NAV3: variants seen among roughly 807,000 people sequenced by gnomAD.
The protein encoded by NAV3 is pore membrane and/or filament interacting like protein 1.
In NAV3, 87 loss-of-function variants were observed where a neutral mutation model predicts 244.7. The ratio of observed to expected loss-of-function variants is 0.36; its 90% CI spans 0.30 to 0.42. The LOEUF is 0.42. Ranked by LOEUF, NAV3 falls within the 20% of genes least tolerant of loss-of-function variation. The probability of loss-of-function intolerance (pLI) is 1.00; values close to 1 mark genes in which losing one functional copy is unlikely to be tolerated. For missense variants in NAV3, 2,663 were observed against 2,893.3 expected (o/e 0.92, Z 1.83); for synonymous variants, 1,126 against 1,042.2 (o/e 1.08, Z -1.55).
chr12:78,058,466 A>T (rs942498835), intron 11 of NAV3, among the ~76,000 whole-genome samples: 1 of 152,022 alleles, frequency 6.6e-6, no homozygotes, highest in Non-Finnish European at 1.5e-5. Context: ...ACACATGGGG[A>T]TTATTACAAT....
chr12:77,639,499 A>G (rs1365824337), intron 2 of NAV3, among the ~76,000 whole-genome samples: 4 of 152,214 alleles, frequency 2.6e-5, no homozygotes, highest in Non-Finnish European at 5.9e-5. Flanking sequence ...TTGTATGAGA[A>G]CAGAGATTTT....
At chr12:78,163,155 C>T (rs1957637529) in intron 23 of NAV3, among the ~76,000 whole-genome samples, 1 of 151,524 alleles carries the variant, frequency 6.6e-6, no homozygotes, top group Admixed American at 6.6e-5. Flanking sequence ...AGATTCTAGT[C>T]TTTGGGCTTC....
chr12:78,081,727 G>A (rs958306232), intron 12 of NAV3, among the ~76,000 whole-genome samples: 1 of 152,106 alleles, frequency 6.6e-6, no homozygotes. Context: ...AAGGGCCTAA[G>A]GCTTTGGTTA....
At chr12:77,722,596 C>T (rs1452843761) in intron 2 of NAV3, among the ~76,000 whole-genome samples, 1 of 151,976 alleles carries the variant, frequency 6.6e-6, no homozygotes, top group African/African-American at 2.4e-5. Flanking sequence ...AAAAAATATT[C>T]TTCTACAGTC....
At chr12:77,870,529 C>A (rs1302375732) in intron 1 of NAV3, among the ~76,000 whole-genome samples, 1 of 151,904 alleles carries the variant, frequency 6.6e-6, no homozygotes, top group African/African-American at 2.4e-5. Flanking sequence ...ATTTAGGAAT[C>A]GGGATAAAAG....
chr12:78,012,213 A>G (rs1875417717), intron 8 of NAV3, among the ~76,000 whole-genome samples: 1 of 152,096 alleles, frequency 6.6e-6, no homozygotes, highest in Non-Finnish European at 1.5e-5. Flanking sequence ...CCTTCTTCTG[A>G]AACATACCCT....
intron 2 of NAV3, among the ~76,000 whole-genome samples, chr12:77,691,679 T>G (rs762952653): frequency 6.6e-6 from 1 of 151,820 alleles, no homozygotes; most frequent in Non-Finnish European, 1.5e-5. Context: ...TGTACCTTTA[T>G]TAAGGTGTAT....
intron 1 of NAV3, among the ~76,000 whole-genome samples, chr12:77,930,085 AC>A (rs1401225362): frequency 2.0e-5 from 3 of 152,144 alleles, no homozygotes; most frequent in African/African-American, 7.2e-5. Context: ...ATGAATTTCT[AC>A]CCATTTAGCA....
chr12:78,188,809 T>C lies in NAV3; in HGVS notation c.6055+32T>C, dbSNP rs1292574199. 1.9e-6 allele frequency: 3 copies of C among 1,598,578 alleles called. No individual in the cohort carries two copies. In the East Asian group the frequency reaches 6.7e-5, roughly 36 times the overall value. On this transcript the variant is annotated intron_variant, in intron 33 of 39. Coordinates refer to ENST00000397909, the MANE Select transcript of NAV3 (RefSeq NM_001024383.2). ...GCAATAATGAAAAGCAAGGCAGAAATATAATTTTTAGCAACATTTTATTCT... is the reference window on the plus strand; with the variant it reads ...GCAATAATGAAAAGCAAGGCAGAAACATAATTTTTAGCAACATTTTATTCT...
At chr12:77,768,753 C>T (rs1228705864) in intron 2 of NAV3, among the ~76,000 whole-genome samples, 1 of 152,322 alleles carries the variant, frequency 6.6e-6, no homozygotes, top group South Asian at 2.1e-4. Context: ...CGGGCTCCTG[C>T]CCTGCAATCT....
At chr12:77,844,558 T>C (rs778502231) in intron 1 of NAV3, among the ~76,000 whole-genome samples, 3 of 152,222 alleles carry the variant, frequency 2.0e-5, no homozygotes, top group Non-Finnish European at 2.9e-5. Flanking sequence ...TAATACAATG[T>C]AGTTTAAATA....
intron 2 of NAV3, among the ~76,000 whole-genome samples, chr12:77,651,467 A>G (rs554439726): frequency 1.3e-5 from 2 of 152,124 alleles, no homozygotes; most frequent in East Asian, 3.9e-4. Context: ...TGATGATTGG[A>G]ATAGATCATT....
At chr12:77,954,915 A>G (rs946505029) in intron 3 of NAV3, among the ~76,000 whole-genome samples, 2 of 152,170 alleles carry the variant, frequency 1.3e-5, no homozygotes, top group African/African-American at 4.8e-5. Flanking sequence ...ATTCATTGCA[A>G]TACTGATCAT....
intron 9 of NAV3, chr12:78,037,303 G>C: frequency 1.4e-6 from 1 of 702,972 alleles, no homozygotes; most frequent in Non-Finnish European, 2.6e-6. Context: ...AGCTGTTTGC[G>C]GGAAGGGACA....
intron 3 of NAV3, among the ~76,000 whole-genome samples, chr12:77,960,712 ATATT>A (rs1289121166): frequency 6.8e-6 from 1 of 147,586 alleles, no homozygotes; most frequent in East Asian, 2.0e-4. Flanking sequence ...TATATGCTAT[ATATT>A]ATATATCATA....
chr12:77,826,707 A>G (rs542500954), upstream of NAV3, among the ~76,000 whole-genome samples: 1 of 152,332 alleles, frequency 6.6e-6, no homozygotes, highest in South Asian at 2.1e-4. Context: ...GAATGATTTC[A>G]TTTCTATGAA....
chr12:77,607,467 G>T (rs1158647519), intron 2 of NAV3, among the ~76,000 whole-genome samples: 4 of 152,058 alleles, frequency 2.6e-5, no homozygotes, highest in African/African-American at 9.7e-5. Context: ...CAAAATTTTT[G>T]CCTAGAGCTA....
At chr12:78,188,511 A>G in intron 32 of NAV3, 98 bp from the exon 33 acceptor site, 3 of 1,284,706 alleles carry the variant, frequency 2.3e-6, no homozygotes, top group Non-Finnish European at 3.2e-6. Flanking sequence ...CATTTCTAAT[A>G]TTCTTGACAA....
intron 2 of NAV3, among the ~76,000 whole-genome samples, chr12:77,639,847 G>T (rs971023206): frequency 1.3e-5 from 2 of 152,202 alleles, no homozygotes; most frequent in African/African-American, 2.4e-5. Context: ...CAGTTGCTCT[G>T]ATGGCACAGA....
Sources: allele counts gnomAD v4.1 joint callset (sites outside exome capture counted in the v4.1 genomes callset), GRCh38; gene constraint gnomAD v4.1.1; transcripts MANE v1.5; gene names NCBI Gene and HGNC (gene_info 2026-07-23, HGNC 2026-07-21).